The following DPP10 variants were observed in gnomAD, a reference collection of about 807,000 sequenced individuals.
The protein encoded by DPP10 is dipeptidyl peptidase like 10.
In DPP10, 33 loss-of-function variants were observed where a neutral mutation model predicts 120.9. That is an observed-to-expected ratio of 0.27 (90% CI 0.21 to 0.37). The LOEUF (loss-of-function observed/expected upper bound fraction) is 0.37, where lower values mean the gene tolerates loss of function less well. Among genes scored for constraint, DPP10 ranks in the 10% least tolerant of loss-of-function variants. DPP10 has a pLI of 1.00. For missense variants in DPP10, 816 were observed against 942.8 expected (o/e 0.87, Z 1.76); for synonymous variants, 337 against 326.1 (o/e 1.03, Z -0.36).
At chr2:115,495,980 C>T (rs992458553) in intron 3 of DPP10, among the ~76,000 whole-genome samples, 2 of 152,086 alleles carry the variant, frequency 1.3e-5, no homozygotes, top group African/African-American at 4.8e-5. Flanking sequence ...TGATCTGATT[C>T]ACTCATATTT....
At position 115,073,558 on chromosome 2, in the gene DPP10, T is replaced by TA. The variant is rs564839392; in HGVS notation, c.61-235680dup. On this transcript the variant is annotated intron_variant, in intron 1 of 25. Coordinates refer to ENST00000410059, the MANE Select transcript of DPP10 (RefSeq NM_020868.6). ...TGTTCAGTTTATGATTCTGTTACTGTATAACCCTGACCTTGAATTTATCTG... is the reference window on the plus strand; with the variant it reads ...TGTTCAGTTTATGATTCTGTTACTGTAATAACCCTGACCTTGAATTTATCTG... Among the ~76,000 whole-genome samples the TA allele has an allele frequency of 6.6e-5, 10 of 152,362 alleles. No homozygotes were observed. The South Asian group carries it at 1.9e-3, about 28-fold the overall frequency.
chr2:115,208,075 T>C (rs570165321), intron 1 of DPP10, among the ~76,000 whole-genome samples: 120 of 152,300 alleles, frequency 7.9e-4, no homozygotes, highest in Middle Eastern at 3.4e-3. Context: ...GTCCAAGATA[T>C]GAAAACTAAG....
chr2:115,167,646 T>C (rs1427176241), intron 1 of DPP10, among the ~76,000 whole-genome samples: 1 of 150,970 alleles, frequency 6.6e-6, no homozygotes, highest in Non-Finnish European at 1.5e-5. Flanking sequence ...TTAAGCCGTG[T>C]ATAGCTGATC....
chr2:115,491,790 T>C (rs2076139350), intron 3 of DPP10, among the ~76,000 whole-genome samples: 2 of 152,290 alleles, frequency 1.3e-5, no homozygotes, highest in South Asian at 4.1e-4. Context: ...ATGAGGGGCA[T>C]GTCCAAGATG....
At chr2:115,108,703 A>G (rs2049068083) in intron 1 of DPP10, among the ~76,000 whole-genome samples, 1 of 152,206 alleles carries the variant, frequency 6.6e-6, no homozygotes, top group Admixed American at 6.5e-5. Flanking sequence ...TTTTTCTACC[A>G]TTACCTATTA....
At chr2:114,796,321 T>C (rs762785936) in intron 1 of DPP10, among the ~76,000 whole-genome samples, 18 of 152,274 alleles carry the variant, frequency 1.2e-4, no homozygotes, top group Non-Finnish European at 2.6e-4. Context: ...CAGATGGAGT[T>C]GCCACCATTT....
chr2:115,007,264 T>C (rs1454249462), intron 1 of DPP10, among the ~76,000 whole-genome samples: 2 of 152,164 alleles, frequency 1.3e-5, no homozygotes, highest in African/African-American at 2.4e-5. Flanking sequence ...GCAAGCCTGG[T>C]TCAATATACG....
chr2:115,398,474 G>A (rs2067841571), intron 3 of DPP10, among the ~76,000 whole-genome samples: 1 of 151,740 alleles, frequency 6.6e-6, no homozygotes, highest in African/African-American at 2.4e-5. Flanking sequence ...GGTAATTATT[G>A]TTCTTATTTA....
At chr2:114,802,700 C>G (rs78727240) in intron 1 of DPP10, among the ~76,000 whole-genome samples, 1 of 152,094 alleles carries the variant, frequency 6.6e-6, no homozygotes, top group African/African-American at 2.4e-5. Context: ...GCCTCATTTC[C>G]ACTTTTTGTA....
At chr2:115,589,569 C>A (rs1208961745) in intron 5 of DPP10, among the ~76,000 whole-genome samples, 1 of 152,012 alleles carries the variant, frequency 6.6e-6, no homozygotes, top group Non-Finnish European at 1.5e-5. Context: ...GAAGAGCAAG[C>A]AATTATGGTG....
intron 19 of DPP10, among the ~76,000 whole-genome samples, chr2:115,811,060 G>C (rs1438639639): frequency 6.6e-6 from 1 of 152,128 alleles, no homozygotes; most frequent in Non-Finnish European, 1.5e-5. Context: ...TATAAGTCTA[G>C]TATTTTCTGC....
intron 3 of DPP10, among the ~76,000 whole-genome samples, chr2:115,358,386 T>G (rs1395635085): frequency 6.6e-6 from 1 of 152,166 alleles, no homozygotes; most frequent in African/African-American, 2.4e-5. Flanking sequence ...GTTTCTTGTC[T>G]CCATCTGAAA....
chr2:114,813,990 C>T (rs1046580074), intron 1 of DPP10, among the ~76,000 whole-genome samples: 2 of 142,972 alleles, frequency 1.4e-5, no homozygotes, highest in South Asian at 2.2e-4. Context: ...ACACACACCA[C>T]GAGCTGGCCA....
At chr2:115,282,074 AC>A (rs1322792249) in intron 1 of DPP10, among the ~76,000 whole-genome samples, 2 of 152,036 alleles carry the variant, frequency 1.3e-5, no homozygotes. Context: ...CTAGTTTTGT[AC>A]TTTTTCTCAC....
chr2:115,543,127 A>G (rs1380348661), intron 5 of DPP10, among the ~76,000 whole-genome samples: 1 of 151,992 alleles, frequency 6.6e-6, no homozygotes, highest in African/African-American at 2.4e-5. Flanking sequence ...TACTGGAAGA[A>G]CAGAGATAGC....
At chr2:114,777,888 C>T (rs577761815) in intron 1 of DPP10, among the ~76,000 whole-genome samples, 56 of 152,062 alleles carry the variant, frequency 3.7e-4, no homozygotes, top group East Asian at 3.9e-4. Flanking sequence ...GACTCATATC[C>T]GCAATTTTAT....
At chr2:114,942,940 T>C (rs569745045) in intron 1 of DPP10, among the ~76,000 whole-genome samples, 1 of 152,278 alleles carries the variant, frequency 6.6e-6, no homozygotes, top group African/African-American at 2.4e-5. Context: ...GGAGTACACC[T>C]GCGGAACATG....
intron 1 of DPP10, among the ~76,000 whole-genome samples, chr2:115,178,884 A>G (rs959448321): frequency 2.6e-5 from 4 of 152,224 alleles, no homozygotes; most frequent in African/African-American, 9.6e-5. Flanking sequence ...TGAAACTATC[A>G]TAAGTTCCTC....
intron 21 of DPP10, among the ~76,000 whole-genome samples, chr2:115,818,010 A>G (rs184211266): frequency 1.3e-5 from 2 of 152,212 alleles, no homozygotes; most frequent in East Asian, 3.9e-4. Flanking sequence ...AAAAACAAAG[A>G]TAAATAGAGA....
Sources: allele counts gnomAD v4.1 joint callset (sites outside exome capture counted in the v4.1 genomes callset), GRCh38; gene constraint gnomAD v4.1.1; transcripts MANE v1.5; gene names NCBI Gene and HGNC (gene_info 2026-07-23, HGNC 2026-07-21).